Variants in HGF observed in about 807,000 individuals in gnomAD.
HGF encodes the protein fibroblast-derived tumor cytotoxic factor.
A neutral mutation model predicts 111.6 loss-of-function variants in HGF; 39 were observed. That is an observed-to-expected ratio of 0.35 (90% CI 0.27 to 0.46). The LOEUF is 0.46. Ranked by LOEUF, HGF falls within the 20% of genes least tolerant of loss-of-function variation. The pLI is 1.00. For missense variants in HGF, 735 were observed against 910.5 expected, an observed-to-expected ratio of 0.81 and a Z score of 2.48; for synonymous variants, 285 against 294.8, an observed-to-expected ratio of 0.97 and a Z score of 0.34.
chr7:81,707,701 T>C (rs1789465457), intron 13 of HGF, among the ~76,000 whole-genome samples: 1 of 152,132 alleles, frequency 6.6e-6, no homozygotes, highest in African/African-American at 2.4e-5. Context: ...GCTACAAATA[T>C]AGGATAATTA....
intron 10 of HGF, among the ~76,000 whole-genome samples, chr7:81,719,531 G>T (rs539666998): frequency 6.6e-6 from 1 of 152,194 alleles, no homozygotes; most frequent in East Asian, 1.9e-4. Flanking sequence ...TGGAGCATGA[G>T]AATATAATGT....
At position 81,742,840 on chromosome 7, in the gene HGF, A is replaced by G. The variant is rs5745676; in HGVS notation, c.865+513T>C. On this transcript the variant is annotated intron_variant, in intron 7 of 17. Transcript: ENST00000222390. The stretch of plus-strand genomic sequence containing the variant: ...GCGAGAGAGGTAGGGATCAGCTATA[A>G]AGATTAGAGACATCTGTGATAAACT... 1,236,468 of 1,581,366 alleles carry G rather than the reference A, an allele frequency of 0.78. 485,520 individuals are homozygous for G. Among genetic ancestry groups the G allele is most frequent in the African/African-American group, 0.93 (69,167 of 74,436 alleles).
rs79393747 is a variant in HGF at position 81,757,167 on chromosome 7, C to T, written c.482+22G>A. ...TGTAAAAAAGACAGAGGCTTCATCT[C>T]TTTTCTTCATACTGTTCTTACCTGT... On this transcript the variant is annotated intron_variant, in intron 4 of 17. Coordinates refer to ENST00000222390, the MANE Select transcript of HGF (RefSeq NM_000601.6). 3,715 of 1,183,376 alleles carry T rather than the reference C, an allele frequency of 3.1e-3. 89 individuals are homozygous for T. In the African/African-American group the frequency reaches 0.05, roughly 16 times the overall value. 73.3% of individuals were successfully genotyped at this position (1,183,376 alleles called of 1,614,324 possible). A position where few individuals can be genotyped will look rare whatever the true frequency, so the allele number is the denominator to read the frequency against.
At chr7:81,751,661 T>G in intron 5 of HGF, 2 of 1,001,966 alleles carry the variant, frequency 2.0e-6, no homozygotes, top group Non-Finnish European at 2.4e-6. Flanking sequence ...CTTCTTATAT[T>G]GTATTATCTT....
At chr7:81,716,605 G>A (rs548093248) in intron 11 of HGF, among the ~76,000 whole-genome samples, 1 of 151,708 alleles carries the variant, frequency 6.6e-6, no homozygotes, top group Non-Finnish European at 1.5e-5. Flanking sequence ...TTTTCTTACT[G>A]ATATCTAGGG....
chr7:81,719,792 T>C (rs1227078357), intron 10 of HGF, among the ~76,000 whole-genome samples: 1 of 152,156 alleles, frequency 6.6e-6, no homozygotes, highest in Non-Finnish European at 1.5e-5. Flanking sequence ...TAATCCACTA[T>C]TGAGTACATT....
intron 7 of HGF, among the ~76,000 whole-genome samples, chr7:81,734,299 T>A (rs190449569): frequency 4.6e-4 from 70 of 152,320 alleles, no homozygotes; most frequent in African/African-American, 1.6e-3. Flanking sequence ...AAGGTATTTA[T>A]GTAATCATCA....
At chr7:81,743,114 G>A (rs1164926199) in intron 7 of HGF, among the ~76,000 whole-genome samples, 3 of 152,102 alleles carry the variant, frequency 2.0e-5, no homozygotes, top group African/African-American at 4.8e-5. Flanking sequence ...TTAGGCTCTT[G>A]CCATAAGTAA....
intron 6 of HGF, among the ~76,000 whole-genome samples, chr7:81,744,622 G>A (rs920942635): frequency 6.6e-6 from 1 of 152,088 alleles, no homozygotes; most frequent in Non-Finnish European, 1.5e-5. Context: ...TTACTGAATT[G>A]GTCCTGTGGT....
chr7:81,745,321 G>A (rs1164212117), intron 5 of HGF, among the ~76,000 whole-genome samples: 1 of 152,020 alleles, frequency 6.6e-6, no homozygotes, highest in Non-Finnish European at 1.5e-5. Flanking sequence ...CAGTTTAAGT[G>A]GGATTTTTGT....
chr7:81,725,033 G>A (rs1483272990), intron 9 of HGF, among the ~76,000 whole-genome samples: 3 of 152,166 alleles, frequency 2.0e-5, no homozygotes, highest in African/African-American at 7.2e-5. Flanking sequence ...CCCATCTGTA[G>A]TCTGAATTAC....
Position 81,700,419 on chromosome 7 carries a change from T to C in HGF, c.*2162A>G, listed in dbSNP as rs951544399. The C allele has an allele frequency of 6.6e-6, 1 of 151,628 alleles. No individual in the cohort carries two copies. Among genetic ancestry groups the C allele is most frequent in the African/African-American group, 2.4e-5 (1 of 41,394 alleles). 9.4% of individuals were successfully genotyped at this position (151,628 alleles called of 1,614,324 possible). On this transcript the variant is annotated 3_prime_UTR_variant, in exon 18 of 18. Transcript: ENST00000222390. ...TTTTAGCCTTTAATAAAATGAAAAA[T>C]ACTAGCCTCAAAATGTCTAAATACT...
At chr7:81,762,633 C>G (rs1282965851) in intron 2 of HGF, 74 bp downstream of exon 2, 3 of 1,120,094 alleles carry the variant, frequency 2.7e-6, no homozygotes, top group Non-Finnish European at 4.1e-6. Flanking sequence ...GACTACAACA[C>G]AAAAGACACA....
chr7:81,769,999 C>T lies in HGF; in HGVS notation c.-28G>A. 2.0e-6 allele frequency: 3 copies of T among 1,519,426 alleles called. No homozygotes were observed. Among genetic ancestry groups the T allele is most frequent in the Non-Finnish European group, 2.7e-6 (3 of 1,119,608 alleles). The allele number at this position is 1,519,426 out of a possible 1,614,324, so 94.1% of individuals were successfully genotyped here. ...TGCTGCTGGACGGGCTGGCGGATCC[C>T]TCTGGAGGAGATGCCTGGGTGAAAG... On this transcript the variant is annotated 5_prime_UTR_variant, in exon 1 of 18. Transcript: ENST00000222390.
At chr7:81,762,417 T>C (rs544483367) in intron 2 of HGF, among the ~76,000 whole-genome samples, 3 of 152,318 alleles carry the variant, frequency 2.0e-5, no homozygotes, top group East Asian at 3.9e-4. Flanking sequence ...CCAAAGCCAA[T>C]TGAATTTCAT....
chr7:81,755,160 C>T (rs1788698597), intron 4 of HGF: 1 of 152,032 alleles, frequency 6.6e-6, no homozygotes, highest in Non-Finnish European at 1.5e-5. Context: ...ATCAGGTCAC[C>T]TGATTTTCTA....
At chr7:81,766,983 A>G (rs1789388159) in intron 1 of HGF, among the ~76,000 whole-genome samples, 1 of 152,138 alleles carries the variant, frequency 6.6e-6, no homozygotes, top group Non-Finnish European at 1.5e-5. Flanking sequence ...CTTCTGCCTC[A>G]AATGCTTGCC....
chr7:81,741,921 A>G (rs928967257), intron 7 of HGF, among the ~76,000 whole-genome samples: 2 of 131,178 alleles, frequency 1.5e-5, no homozygotes, highest in Non-Finnish European at 3.2e-5. Flanking sequence ...TTGGACAACA[A>G]GAGTGAAACT....
intron 2 of HGF, among the ~76,000 whole-genome samples, 186 bp downstream of exon 2, chr7:81,762,521 C>G (rs1467651924): frequency 6.6e-6 from 1 of 152,178 alleles, no homozygotes; most frequent in Non-Finnish European, 1.5e-5. Flanking sequence ...TTTTTGCGCT[C>G]TCCCTTACTC....
Sources: allele counts gnomAD v4.1 joint callset (sites outside exome capture counted in the v4.1 genomes callset), GRCh38; gene constraint gnomAD v4.1.1; transcripts MANE v1.5; gene names NCBI Gene and HGNC (gene_info 2026-07-23, HGNC 2026-07-21).